Variants in VTA1 observed in about 807,000 individuals in gnomAD.
The protein encoded by VTA1 is vacuolar protein sorting-associated protein VTA1 homolog.
VTA1 carries 24 observed loss-of-function variants against 36.9 expected under a neutral mutation model. The observed-to-expected ratio is 0.65, with a 90% confidence interval of 0.47 to 0.91. The LOEUF is 0.91. VTA1 is among the 40% of genes least tolerant of loss of function. The probability of loss-of-function intolerance (pLI) is 0.00; values close to 1 mark genes in which losing one functional copy is unlikely to be tolerated. For missense variants in VTA1, 393 were observed against 377.2 expected, an observed-to-expected ratio of 1.04 and a Z score of -0.35; for synonymous variants, 142 against 130.2, an observed-to-expected ratio of 1.09 and a Z score of -0.62.
At chr6:142,181,137 A>AC (rs1284884164) in intron 4 of VTA1, among the ~76,000 whole-genome samples, 5 of 128,892 alleles carry the variant, frequency 3.9e-5, no homozygotes, top group Admixed American at 3.1e-4. Flanking sequence ...ACACAGACAC[A>AC]CTTTTTTTTT....
At chr6:142,166,960 C>T (rs1264101326) in intron 2 of VTA1, among the ~76,000 whole-genome samples, 3 of 151,990 alleles carry the variant, frequency 2.0e-5, no homozygotes, top group East Asian at 1.9e-4. Context: ...CTTGCAGTCA[C>T]GTGGATGATT....
intron 4 of VTA1, among the ~76,000 whole-genome samples, chr6:142,183,433 A>G (rs976359278): frequency 2.0e-5 from 3 of 152,180 alleles, no homozygotes; most frequent in Non-Finnish European, 2.9e-5. Context: ...CCTCCCGCCT[A>G]TGGTTGCTGT....
At chr6:142,149,511 A>G (rs968594120) in intron 1 of VTA1, among the ~76,000 whole-genome samples, 3 of 152,178 alleles carry the variant, frequency 2.0e-5, no homozygotes, top group South Asian at 4.1e-4. Context: ...GCATCTTTTC[A>G]TATGTTAATT....
intron 1 of VTA1, among the ~76,000 whole-genome samples, chr6:142,157,978 T>G (rs1392355617): frequency 6.7e-6 from 1 of 150,068 alleles, no homozygotes; most frequent in African/African-American, 2.4e-5. Context: ...TTTCAGGATA[T>G]TGCTGTTTTA....
At chr6:142,190,582 A>T (rs1277405220) in intron 5 of VTA1, among the ~76,000 whole-genome samples, 2 of 152,078 alleles carry the variant, frequency 1.3e-5, no homozygotes, top group African/African-American at 4.8e-5. Context: ...TTTTTCACTT[A>T]CTTGTTTTTT....
intron 1 of VTA1, among the ~76,000 whole-genome samples, chr6:142,165,453 G>T (rs1312917968): frequency 6.6e-6 from 1 of 152,134 alleles, no homozygotes; most frequent in Non-Finnish European, 1.5e-5. Flanking sequence ...AAACTTCGTT[G>T]CATTTTGTTG....
chr6:142,194,592 A>G (rs1166430004), intron 5 of VTA1, among the ~76,000 whole-genome samples: 1 of 152,098 alleles, frequency 6.6e-6, no homozygotes, highest in Non-Finnish European at 1.5e-5. Flanking sequence ...TGATTTTTGT[A>G]TAATTTTTTA....
rs886750902 is a variant in VTA1, at chr6:142,221,800, TAATA to T, written c.*3162_*3165del. 6.1e-5 allele frequency: 9 copies of T among 147,922 alleles called. No homozygotes were observed. Among genetic ancestry groups the T allele is most frequent in the East Asian group, 1.9e-4 (1 of 5,146 alleles). 9.2% of individuals were successfully genotyped at this position (147,922 alleles called of 1,614,324 possible). On this transcript the variant is annotated 3_prime_UTR_variant, in exon 8 of 8. Coordinates refer to ENST00000367630, the MANE Select transcript of VTA1 (RefSeq NM_016485.5). ...ATTTATATATAAATCATAAATATATTAATAAATATATAATATATATATTAGCCTG... is the reference window on the plus strand; with the variant it reads ...ATTTATATATAAATCATAAATATATTAATATATAATATATATATTAGCCTG...
chr6:142,167,812 A>C (rs1774950685), intron 2 of VTA1, among the ~76,000 whole-genome samples: 1 of 152,082 alleles, frequency 6.6e-6, no homozygotes, highest in African/African-American at 2.4e-5. Context: ...AAATTTGAGT[A>C]CTCTCTTTCT....
At chr6:142,209,610 A>G (rs1298123550) in intron 7 of VTA1, among the ~76,000 whole-genome samples, 1 of 150,694 alleles carries the variant, frequency 6.6e-6, no homozygotes. Flanking sequence ...AAAAAATGTA[A>G]TACAAAAAAT....
Position 142,223,106 on chromosome 6 carries a change from T to C in VTA1, c.*4463T>C, listed in dbSNP as rs1562274762. 2.0e-5 allele frequency: 3 copies of C among 152,198 alleles called. No homozygotes were observed. The highest frequency in any genetic ancestry group is 7.2e-5 in the African/African-American group (3 of 41,456). 9.4% of individuals were successfully genotyped at this position (152,198 alleles called of 1,614,324 possible). A position where few individuals can be genotyped will look rare whatever the true frequency, so the allele number is the denominator to read the frequency against. On this transcript the variant is annotated 3_prime_UTR_variant, in exon 8 of 8. Transcript: ENST00000367630. ...AAGGTCATTGGACAGTTCCTTTTAT[T>C]AGTGAGGTGTTAGCACCTAAATTTT...
chr6:142,166,729 C>A (rs1300376141), intron 2 of VTA1, among the ~76,000 whole-genome samples: 1 of 151,986 alleles, frequency 6.6e-6, no homozygotes, highest in East Asian at 1.9e-4. Flanking sequence ...TCAAGCAATT[C>A]TCTTACATCA....
In VTA1 at chr6:142,198,460, C is replaced by G. The variant is rs748053564; in HGVS notation, c.542C>G (p.Ala181Gly). 5 of 1,613,676 alleles carry G rather than the reference C, an allele frequency of 3.1e-6. No individual in the cohort carries two copies. The highest frequency in any genetic ancestry group is 4.2e-6 in the Non-Finnish European group (5 of 1,179,838). The part of the protein sequence containing the change: ...EDNDIEENED[A>G]GAASLPTQPT... ...ATAGATATTGAAGAAAATGAAGATG[C>G]TGGAGCAGCCTCTCTGCCCACTCAG... is the stretch of plus-strand genomic sequence containing the variant. The change falls in exon 6 of 8, where the codon GCT (alanine) becomes GGT (glycine). Residue 181 changes from alanine (A) to glycine (G), a missense_variant. Coordinates refer to ENST00000367630, the MANE Select transcript of VTA1 (RefSeq NM_016485.5).
chr6:142,147,551 C>T (rs1778473513), intron 1 of VTA1, 152 bp downstream of exon 1: 3 of 731,726 alleles, frequency 4.1e-6, no homozygotes, highest in South Asian at 1.7e-5. Flanking sequence ...TGGGTTCCCA[C>T]CCCCTGGCAG....
At chr6:142,158,049 C>G (rs1275577406) in intron 1 of VTA1, among the ~76,000 whole-genome samples, 1 of 145,810 alleles carries the variant, frequency 6.9e-6, no homozygotes, top group East Asian at 2.0e-4. Flanking sequence ...AAAAAAGCCT[C>G]CACACTTTTG....
intron 1 of VTA1, among the ~76,000 whole-genome samples, chr6:142,165,316 C>T (rs1437321545): frequency 6.6e-6 from 1 of 152,122 alleles, no homozygotes; most frequent in Non-Finnish European, 1.5e-5. Context: ...CCGTAGGTCT[C>T]AAAATGAAAC....
chr6:142,204,585 T>C (rs1179471510), intron 7 of VTA1, among the ~76,000 whole-genome samples: 1 of 152,114 alleles, frequency 6.6e-6, no homozygotes, highest in African/African-American at 2.4e-5. Context: ...AAATCAGGCA[T>C]TGTGTTTATT....
Position 142,221,957 on chromosome 6 carries a change from C to G in VTA1, c.*3314C>G. ...CTGCACTCCAGCCTGGGCGACAGAG[C>G]GAGACTCCTTCTCAAAAAAAAAAAA... On this transcript the variant is annotated 3_prime_UTR_variant, in exon 8 of 8. Transcript: ENST00000367630. 1 of 149,588 alleles carries G rather than the reference C, an allele frequency of 6.7e-6. No individual in the cohort carries two copies. The highest frequency in any genetic ancestry group is 6.7e-5 in the Admixed American group (1 of 14,972). 9.3% of individuals were successfully genotyped at this position (149,588 alleles called of 1,614,324 possible).
chr6:142,214,630 A>G (rs1275744009), intron 7 of VTA1, among the ~76,000 whole-genome samples: 1 of 152,174 alleles, frequency 6.6e-6, no homozygotes, highest in Admixed American at 6.5e-5. Context: ...GTCATTATAA[A>G]TTTGTCCAAA....
Sources: gnomAD v4.1 joint callset for allele counts (sites outside exome capture counted in the v4.1 genomes callset) on GRCh38, gnomAD v4.1.1 for gene constraint, MANE v1.5 for transcripts, NCBI Gene and HGNC (gene_info 2026-07-23, HGNC 2026-07-21) for gene names.